MUC12: variants seen among roughly 807,000 people sequenced by gnomAD.
MUC12 encodes the protein mucin 12, cell surface associated, also known as mucin-12.
MUC12 carries 172 observed loss-of-function variants against 230.8 expected under a neutral mutation model. The ratio of observed to expected loss-of-function variants is 0.75; its 90% CI spans 0.66 to 0.85. The LOEUF (loss-of-function observed/expected upper bound fraction) is 0.85, where lower values mean the gene tolerates loss of function less well. Among genes scored for constraint, MUC12 ranks in the 40% least tolerant of loss-of-function variants. The probability of loss-of-function intolerance (pLI) is 0.00; values close to 1 mark genes in which losing one functional copy is unlikely to be tolerated. For missense variants in MUC12, 3,506 were observed against 5,920.6 expected (o/e 0.59, Z 13.38); for synonymous variants, 1,259 against 2,401.9 (o/e 0.52, Z 13.91).
At chr7:101,010,770 C>T (rs1793830751) in intron 5 of MUC12, among the ~76,000 whole-genome samples, 1 of 152,136 alleles carries the variant, frequency 6.6e-6, no homozygotes, top group Non-Finnish European at 1.5e-5. Flanking sequence ...CCGCCTTGGC[C>T]TCCAAAAATG....
intron 8 of MUC12, 136 bp downstream of exon 8, chr7:101,013,278 C>T: frequency 1.1e-6 from 1 of 914,978 alleles, no homozygotes; most frequent in African/African-American, 1.7e-5. Flanking sequence ...ACATACCTCT[C>T]CCCTGTAATC....
chr7:100,984,836 G>A (rs2116285657), intron 1 of MUC12, among the ~76,000 whole-genome samples: 1 of 152,180 alleles, frequency 6.6e-6, no homozygotes. Flanking sequence ...CCCCTTACTG[G>A]TTTGGTCTGG....
intron 1 of MUC12, among the ~76,000 whole-genome samples, chr7:100,982,169 C>T (rs1357003699): frequency 2.6e-5 from 4 of 151,838 alleles, no homozygotes; most frequent in African/African-American, 2.4e-5. Flanking sequence ...GCCCAGCCTC[C>T]AGGGCACAGC....
At position 101,004,552 on chromosome 7, in the gene MUC12, C is replaced by T. The variant is rs1562791425; in HGVS notation, c.13989C>T (p.Gly4663=). The T allele has an allele frequency of 6.5e-7, 1 of 1,537,220 alleles. No homozygotes were observed. Among genetic ancestry groups the T allele is most frequent in the Non-Finnish European group, 8.7e-7 (1 of 1,146,854 alleles). The stretch of plus-strand genomic sequence containing the variant: ...CTACCAGCTACCACAGCAGCCCGGG[C>T]TCAATTGCAACAACACACTTTCCTG... ...EEPTSYHSSP[G]SIATTHFPES... Residue 4663 remains glycine, a synonymous_variant, in exon 2 of 12, where the codon GGC becomes GGT. Coordinates refer to ENST00000536621, the MANE Select transcript of MUC12 (RefSeq NM_001164462.2).
rs370655474 is a variant in MUC12 at position 100,991,541 on chromosome 7, T to C, written c.978T>C (p.His326=). The part of the protein sequence containing the change: ...HFSASSTTLG[H]SEESTPVHSS... ...CTGCCAGCTCCACAACCTTGGGCCA[T>C]AGTGAGGAATCGACACCAGTCCACA... The change falls in exon 2 of 12, where the codon CAT becomes CAC. Residue 326 remains histidine, a synonymous_variant. Coordinates refer to ENST00000536621, the MANE Select transcript of MUC12 (RefSeq NM_001164462.2). 314 of 1,537,128 alleles carry C rather than the reference T, an allele frequency of 2.0e-4. No homozygotes were observed. Among genetic ancestry groups the C allele is most frequent in the Middle Eastern group, 6.7e-4 (4 of 5,996 alleles).
chr7:100,992,388 C>A lies in MUC12; in HGVS notation c.1825C>A (p.His609Asn). 2 of 1,537,070 alleles carry A rather than the reference C, an allele frequency of 1.3e-6. No homozygotes were observed. Among genetic ancestry groups the A allele is most frequent in the Non-Finnish European group, 1.7e-6 (2 of 1,146,324 alleles). ...SGLLEASMPV[H>N]SSTRSPHTTL... The stretch of plus-strand genomic sequence containing the variant: ...ACTCCTTGAAGCATCTATGCCCGTC[C>A]ACAGCAGCACCAGATCGCCACACAC... Residue 609 changes from histidine (H) to asparagine (N), a missense_variant, in exon 2 of 12, where the codon CAC (histidine) becomes AAC (asparagine). Physicochemically the swap from His to Asn is moderately conservative, Grantham distance 68. Transcript: ENST00000536621.
chr7:100,981,514 G>A (rs949042695), intron 1 of MUC12: 1 of 475,700 alleles, frequency 2.1e-6, no homozygotes, highest in Non-Finnish European at 3.8e-6. Flanking sequence ...GGAGGTGAGG[G>A]TGTCCTAGGA....
chr7:100,981,365 T>G, intron 1 of MUC12: 1 of 639,692 alleles, frequency 1.6e-6, no homozygotes, highest in East Asian at 3.2e-5. Context: ...TTGTCCCTCC[T>G]GCAGCGAGTG....
At chr7:101,008,200 C>T (rs576907163) in intron 3 of MUC12, among the ~76,000 whole-genome samples, 13 of 152,150 alleles carry the variant, frequency 8.5e-5, no homozygotes, top group African/African-American at 3.1e-4. Flanking sequence ...GATCATAGCT[C>T]ACCACAGCCT....
intron 5 of MUC12, 71 bp from the exon 6 acceptor site, chr7:101,012,225 C>T (rs1431930724): frequency 4.0e-6 from 6 of 1,500,842 alleles, no homozygotes; most frequent in African/African-American, 1.4e-5. Flanking sequence ...CATTACCACT[C>T]TGGGTGCTTG....
At chr7:101,011,274 A>AT (rs968062908) in intron 5 of MUC12, among the ~76,000 whole-genome samples, 89 of 151,764 alleles carry the variant, frequency 5.9e-4, no homozygotes, top group Non-Finnish European at 1.0e-3. Flanking sequence ...TTGGCTCAGG[A>AT]TTTTTTTTGT....
rs1793437065 is a variant in MUC12, at chr7:100,995,131, C to A, written c.4568C>A (p.Ser1523Ter). The A allele has an allele frequency of 4.8e-6, 4 of 840,868 alleles. No homozygotes were observed. Among genetic ancestry groups the A allele is most frequent in the Non-Finnish European group, 7.0e-6 (4 of 575,304 alleles). The allele number at this position is 840,868 out of a possible 1,614,324, so 52.1% of individuals were successfully genotyped here. A position where few individuals can be genotyped will look rare whatever the true frequency, so the allele number is the denominator to read the frequency against. ...GTTCTTGTTGGAGAACCTACAACGT[C>A]ACCCATCAGTTCAGGCTCAACGGAA... The part of the protein sequence containing the change: ...TSVLVGEPTT[S>*]PISSGSTETT... Residue 1523 changes from serine (S) to a stop codon, truncating the protein, a stop_gained, in exon 2 of 12, where the codon TCA (serine) becomes TAA (stop). Transcript: ENST00000536621. LOFTEE classifies it high-confidence loss of function.
intron 1 of MUC12, among the ~76,000 whole-genome samples, chr7:100,970,338 T>C (rs1462085317): frequency 2.0e-5 from 3 of 151,256 alleles, no homozygotes; most frequent in Non-Finnish European, 3.0e-5. Context: ...AATACAAAAA[T>C]TAACCAGGCA....
chr7:100,973,874 C>T (rs114758543), intron 1 of MUC12, among the ~76,000 whole-genome samples: 1 of 138,074 alleles, frequency 7.2e-6, no homozygotes, highest in Non-Finnish European at 1.6e-5. Context: ...AAAAATTAGG[C>T]TGGGTGTGGT....
chr7:101,014,270 G>T (rs1266281317), intron 9 of MUC12, 196 bp downstream of exon 9: 1 of 509,640 alleles, frequency 2.0e-6, no homozygotes, highest in Non-Finnish European at 3.4e-6. Flanking sequence ...CATCAATTTG[G>T]CAGTGTTTTA....
At chr7:101,015,145 T>C (rs1184896179) in intron 9 of MUC12, 1 of 164,738 alleles carries the variant, frequency 6.1e-6, no homozygotes, top group African/African-American at 2.4e-5. Flanking sequence ...CAGAAGCTTA[T>C]GTGTGGAAAT....
rs1488559182 is a variant in MUC12 at position 101,004,497 on chromosome 7, C to G, written c.13934C>G (p.Pro4645Arg). 3 of 1,533,876 alleles carry G rather than the reference C, an allele frequency of 2.0e-6. No individual in the cohort carries two copies. The highest frequency in any genetic ancestry group is 2.5e-5 in the East Asian group (1 of 40,678). The change falls in exon 2 of 12, where the codon CCT (proline) becomes CGT (arginine). Residue 4645 changes from proline to arginine, a missense_variant. Pro to Arg is a moderately radical substitution (Grantham distance 103, BLOSUM62 -2). Transcript: ENST00000536621. ...ACAACACACACAATATCTTCACCTC[C>G]TAGCACCACATCTGCCCTTGTTGAA... is the stretch of plus-strand genomic sequence containing the variant. The part of the protein sequence containing the change: ...SSTTHTISSP[P>R]STTSALVEEP...
chr7:100,988,686 G>A (rs1408040212), intron 1 of MUC12, among the ~76,000 whole-genome samples: 1 of 152,108 alleles, frequency 6.6e-6, no homozygotes, highest in African/African-American at 2.4e-5. Context: ...CAGGGTTAGA[G>A]GTCAAAGGGG....
At position 101,004,290 on chromosome 7, in the gene MUC12, C is replaced by G; in HGVS notation, c.13727C>G (p.Thr4576Arg). ...TTLGRSEESTTVHSSPVATAT... is the reference protein window; with the variant it reads ...TTLGRSEESTRVHSSPVATAT... Reference sequence around the variant, plus strand: ...TTGGGCCGTAGTGAGGAATCGACAACAGTCCACAGCAGCCCAGTTGCAACT... The same window carrying G: ...TTGGGCCGTAGTGAGGAATCGACAAGAGTCCACAGCAGCCCAGTTGCAACT... The change falls in exon 2 of 12, where the codon ACA becomes AGA. Residue 4576 changes from threonine to arginine, a missense_variant. Physicochemically the swap from Thr to Arg is moderately conservative, Grantham distance 71 (BLOSUM62 -1). Coordinates refer to ENST00000536621, the MANE Select transcript of MUC12 (RefSeq NM_001164462.2). The G allele has an allele frequency of 2.2e-6, 2 of 925,922 alleles. No homozygotes were observed. The highest frequency in any genetic ancestry group is 3.0e-6 in the Non-Finnish European group (2 of 677,868). 57.4% of individuals were successfully genotyped at this position (925,922 alleles called of 1,614,324 possible).
Sources: allele counts gnomAD v4.1 joint callset (sites outside exome capture counted in the v4.1 genomes callset), GRCh38; gene constraint gnomAD v4.1.1; transcripts MANE v1.5; gene names NCBI Gene and HGNC (gene_info 2026-07-23, HGNC 2026-07-21).